WFDC13: variants seen among roughly 807,000 people sequenced by gnomAD.
WFDC13 encodes WAP four-disulfide core domain protein 13.
WFDC13 carries 6 observed loss-of-function variants against 10.9 expected under a neutral mutation model. The ratio of observed to expected loss-of-function variants is 0.55; its 90% CI spans 0.30 to 1.09. WFDC13 has a LOEUF of 1.09. WFDC13 is among the 50% of genes least tolerant of loss of function. The pLI, the probability that WFDC13 is intolerant of heterozygous loss-of-function variation, is 0.06. For synonymous variants in WFDC13, 38 were observed against 39.5 expected (o/e 0.96, Z 0.14); for missense variants, 104 against 109.6 (o/e 0.95, Z 0.23).
chr20:45,704,397 C>A, intron 1 of WFDC13, 47 bp from the exon 2 acceptor site: 1 of 1,581,598 alleles, frequency 6.3e-7, no homozygotes, highest in South Asian at 1.2e-5. Flanking sequence ...CTGAACATTA[C>A]TCCAGCCTGT....
At chr20:45,704,980 A>G in intron 2 of WFDC13, 3 of 1,613,990 alleles carry the variant, frequency 1.9e-6, no homozygotes, top group Middle Eastern at 3.3e-4. Flanking sequence ...CCCTCCTTTC[A>G]CAAGACACCA....
intron 1 of WFDC13, among the ~76,000 whole-genome samples, chr20:45,702,855 C>T (rs1984223270): frequency 1.3e-5 from 2 of 152,188 alleles, no homozygotes. Context: ...GGGAAAAGAA[C>T]TGTTATTCAT....
intron 3 of WFDC13, 108 bp from the exon 4 acceptor site, chr20:45,707,747 TGAC>T (rs2145647920): frequency 6.6e-6 from 1 of 152,352 alleles, no homozygotes; most frequent in South Asian, 2.1e-4. Context: ...AAGCATAGCC[TGAC>T]AACAGACAGT....
chr20:45,705,803 T>C, intron 2 of WFDC13, 60 bp from the exon 3 acceptor site: 1 of 1,512,710 alleles, frequency 6.6e-7, no homozygotes, highest in South Asian at 1.2e-5. Flanking sequence ...GAAAGAAAAA[T>C]ATATATCTCT....
chr20:45,704,961 T>A (rs1371989752), intron 2 of WFDC13: 1 of 1,614,142 alleles, frequency 6.2e-7, no homozygotes, highest in Non-Finnish European at 8.5e-7. Flanking sequence ...TGTCCTACAC[T>A]TTTGCTTGCC....
rs1489542525 is a variant in WFDC13, at chr20:45,708,393, A to G, written c.*558A>G. On this transcript the variant is annotated 3_prime_UTR_variant, in exon 4 of 4. Transcript: ENST00000305479. ...TAAGAGGCTGCAATAAGGTGCCATG[A>G]AATCAAAATCAAAGGGCTAGAACTC... 1 of 152,090 alleles carries G rather than the reference A, an allele frequency of 6.6e-6. No homozygotes were observed. Among genetic ancestry groups the G allele is most frequent in the East Asian group, 1.9e-4 (1 of 5,198 alleles). The allele number at this position is 152,090 out of a possible 1,614,324, so 9.4% of individuals were successfully genotyped here. A position where few individuals can be genotyped will look rare whatever the true frequency, so the allele number is the denominator to read the frequency against.
intron 2 of WFDC13, chr20:45,704,931 C>CA (rs1984330633): frequency 6.2e-7 from 1 of 1,614,108 alleles, no homozygotes; most frequent in Non-Finnish European, 8.5e-7. Context: ...CAGGTGTAAC[C>CA]AAAATCCCAA....
chr20:45,703,691 TA>T (rs1984268656), intron 1 of WFDC13, among the ~76,000 whole-genome samples: 1 of 152,132 alleles, frequency 6.6e-6, no homozygotes, highest in African/African-American at 2.4e-5. Flanking sequence ...AGGTAGGTCT[TA>T]GCTTTGAACT....
Position 45,704,448 on chromosome 20 carries a change from T to C in WFDC13, c.93T>C (p.Tyr31=). The C allele has an allele frequency of 1.2e-6, 2 of 1,613,296 alleles. No individual in the cohort carries two copies. Among genetic ancestry groups the C allele is most frequent in the East Asian group, 2.2e-5 (1 of 44,864 alleles). ...PGSPKQRVLK[Y]ILEPPPCISA... is the part of the protein sequence containing the mutation. ...CTTACTTGTTCTGTGTTCCAGAGTA[T>C]ATCTTGGAACCTCCACCCTGCATAT... Residue 31 remains tyrosine, a synonymous_variant, in exon 2 of 4, where the codon TAT becomes TAC. Coordinates refer to ENST00000305479, the MANE Select transcript of WFDC13 (RefSeq NM_172005.2).
At position 45,702,202 on chromosome 20, in the gene WFDC13, C is replaced by A; in HGVS notation, c.79C>A (p.Arg27Ser). ...LQLVPGSPKQ[R>S]VLKYILEPPP... ...GCTGGTGCCTGGGAGTCCCAAGCAG[C>A]GTGTTCTGAGTAGGTGCTGGATCTG... The change falls in exon 1 of 4, where the codon CGT becomes AGT. Residue 27 changes from arginine (R) to serine (S), a missense_variant. Physicochemically the swap from Arg to Ser is moderately radical, Grantham distance 110. Coordinates refer to ENST00000305479, the MANE Select transcript of WFDC13 (RefSeq NM_172005.2). 2 of 1,612,112 alleles carry A rather than the reference C, an allele frequency of 1.2e-6. No individual in the cohort carries two copies. Among genetic ancestry groups the A allele is most frequent in the Non-Finnish European group, 1.7e-6 (2 of 1,179,250 alleles).
chr20:45,707,031 G>A (rs1984420321), intron 3 of WFDC13, among the ~76,000 whole-genome samples: 2 of 152,252 alleles, frequency 1.3e-5, no homozygotes, highest in Admixed American at 6.5e-5. Flanking sequence ...GTACAAAGGA[G>A]CGTGATAAAT....
At chr20:45,705,735 C>T in intron 2 of WFDC13, 128 bp from the exon 3 acceptor site, 1 of 810,342 alleles carries the variant, frequency 1.2e-6, no homozygotes, top group African/African-American at 1.7e-5. Context: ...TGAGGTTCTG[C>T]CTTCCCTATG....
At chr20:45,703,353 T>C (rs1984250202) in intron 1 of WFDC13, among the ~76,000 whole-genome samples, 1 of 152,210 alleles carries the variant, frequency 6.6e-6, no homozygotes, top group Admixed American at 6.5e-5. Flanking sequence ...AGCTTGAACC[T>C]CAGCTTCTTT....
chr20:45,702,918 A>G (rs983874635), intron 1 of WFDC13, among the ~76,000 whole-genome samples: 2 of 152,150 alleles, frequency 1.3e-5, no homozygotes, highest in Non-Finnish European at 2.9e-5. Flanking sequence ...GGCGGCTCAG[A>G]AGAGGGATAA....
intron 2 of WFDC13, 63 bp from the exon 3 acceptor site, chr20:45,705,800 A>C: frequency 6.6e-7 from 1 of 1,507,376 alleles, no homozygotes. Context: ...ATTGAAAGAA[A>C]AATATATATC....
At chr20:45,706,069 TTCCCCTCCAA>T in intron 3 of WFDC13, 142 bp downstream of exon 3, 1 of 687,148 alleles carries the variant, frequency 1.5e-6, no homozygotes, top group Non-Finnish European at 2.5e-6. Context: ...TCCTCCATCA[TTCCCCTCCAA>T]GGGCTATCTT....
chr20:45,704,726 G>A (rs1984320183), intron 2 of WFDC13, 132 bp downstream of exon 2: 12 of 1,403,696 alleles, frequency 8.5e-6, no homozygotes, highest in Non-Finnish European at 9.6e-6. Flanking sequence ...TTGCCAACAT[G>A]CCCCTTCTCT....
At chr20:45,705,966 ATTCCCAGGGATGCTCACT>A in intron 3 of WFDC13, 39 bp downstream of exon 3, 1 of 1,542,204 alleles carries the variant, frequency 6.5e-7, no homozygotes, top group South Asian at 1.1e-5. Flanking sequence ...CTCATGTGAG[ATTCCCAGGGATGCTCACT>A]TTCTTCCTGT....
intron 3 of WFDC13, among the ~76,000 whole-genome samples, chr20:45,707,084 A>T (rs1275786623): frequency 2.6e-5 from 4 of 152,246 alleles, no homozygotes; most frequent in Non-Finnish European, 4.4e-5. Context: ...ACGCATGAGC[A>T]CTTGCCCAGG....
Sources: gnomAD v4.1 joint callset for allele counts (sites outside exome capture counted in the v4.1 genomes callset) on GRCh38, gnomAD v4.1.1 for gene constraint, MANE v1.5 for transcripts, NCBI Gene and HGNC (gene_info 2026-07-23, HGNC 2026-07-21) for gene names.